DHRS2: variants seen among roughly 807,000 people sequenced by gnomAD.
DHRS2 encodes dehydrogenase/reductase SDR family member 2, mitochondrial.
DHRS2 carries 29 observed loss-of-function variants against 26.3 expected under a neutral mutation model. The ratio of observed to expected loss-of-function variants is 1.10; its 90% CI spans 0.82 to 1.50. The LOEUF (loss-of-function observed/expected upper bound fraction) is 1.50. Among genes scored for constraint, DHRS2 ranks in the 40% most tolerant of loss-of-function variants. The pLI is 0.00. For synonymous variants in DHRS2, 164 were observed against 151.3 expected (o/e 1.08, Z -0.62); for missense variants, 439 against 367.1 (o/e 1.20, Z -1.60).
intron 6 of DHRS2, 38 bp downstream of exon 6, chr14:23,644,200 G>A: frequency 1.2e-6 from 2 of 1,609,656 alleles, no homozygotes; most frequent in South Asian, 2.2e-5. Context: ...GTGGTATAGG[G>A]TGAGGGGCAA....
intron 4 of DHRS2, chr14:23,642,090 T>C: frequency 9.4e-7 from 1 of 1,061,756 alleles, no homozygotes; most frequent in Non-Finnish European, 1.1e-6. Context: ...TTAGCCCAGA[T>C]TCAGACTTTA....
At chr14:23,643,362 C>G (rs979891467) in intron 5 of DHRS2, 143 bp downstream of exon 5, 16 of 744,464 alleles carry the variant, frequency 2.1e-5, no homozygotes, top group African/African-American at 1.7e-4. Flanking sequence ...GTCCTGCCTC[C>G]CCATCTGTGT....
intron 5 of DHRS2, 115 bp downstream of exon 5, chr14:23,643,334 C>A: frequency 1.1e-6 from 1 of 906,062 alleles, no homozygotes; most frequent in Non-Finnish European, 1.7e-6. Flanking sequence ...CTGGGATCTC[C>A]ACATCCCTCA....
chr14:23,637,774 A>G (rs1890399496), intron 1 of DHRS2, among the ~76,000 whole-genome samples: 1 of 152,158 alleles, frequency 6.6e-6, no homozygotes. Flanking sequence ...AGGATTGTAA[A>G]TGCACCAATC....
chr14:23,634,217 G>A (rs546894128), upstream of DHRS2, among the ~76,000 whole-genome samples: 5 of 151,944 alleles, frequency 3.3e-5, no homozygotes, highest in East Asian at 1.9e-4. Context: ...ATAGGCATGC[G>A]CCACCACACC....
chr14:23,630,487 T>C (rs1890091171), intron 1 of DHRS2, among the ~76,000 whole-genome samples: 1 of 152,236 alleles, frequency 6.6e-6, no homozygotes, highest in African/African-American at 2.4e-5. Flanking sequence ...AACCCCTTAT[T>C]TTACTGTGAT....
At chr14:23,636,906 G>A (rs1283490817) in intron 1 of DHRS2, 134 bp downstream of exon 1, 1 of 152,214 alleles carries the variant, frequency 6.6e-6, no homozygotes, top group African/African-American at 2.4e-5. Flanking sequence ...GTGGGTGTCA[G>A]GCTTTCTGGG....
In DHRS2 at chr14:23,644,889, G is replaced by T; in HGVS notation, c.731+7G>T. The T allele has an allele frequency of 6.2e-7, 1 of 1,614,154 alleles. No individual in the cohort carries two copies. Among genetic ancestry groups the T allele is most frequent in the Non-Finnish European group, 8.5e-7 (1 of 1,179,986 alleles). ...AACATCATCAGCTGCAGAGGCAAGT[G>T]GGGTTTGGAGATTTGGTGGTCCATG... On this transcript the variant is annotated splice_region_variant and intron_variant, in intron 8 of 8. Coordinates refer to ENST00000250383, the MANE Select transcript of DHRS2 (RefSeq NM_005794.4).
At chr14:23,635,069 C>T (rs896452373), upstream of DHRS2, among the ~76,000 whole-genome samples, 53 of 147,062 alleles carry the variant, frequency 3.6e-4, no homozygotes, top group Non-Finnish European at 6.8e-4. Context: ...TCAGGTAGTT[C>T]TTTTTTTTTT....
rs1382956680 is a variant in DHRS2 at position 23,645,511 on chromosome 14, C to G, written c.*258C>G. ...TGGGGAGCTGAAGGATTTTATGGAG[C>G]TGGTGCTTTGGAGGAATCTTAAGGG... On this transcript the variant is annotated 3_prime_UTR_variant, in exon 9 of 9. Transcript: ENST00000250383. 3.3e-6 allele frequency: 2 copies of G among 607,764 alleles called. No individual in the cohort carries two copies. Among genetic ancestry groups the G allele is most frequent in the Non-Finnish European group, 5.4e-6 (2 of 368,058 alleles). The allele number at this position is 607,764 out of a possible 1,614,324, so 37.6% of individuals were successfully genotyped here.
intron 5 of DHRS2, 73 bp downstream of exon 5, chr14:23,643,292 A>C (rs1594248345): frequency 7.2e-7 from 1 of 1,398,102 alleles, no homozygotes; most frequent in Non-Finnish European, 1.0e-6. Context: ...AGTCGGTAGC[A>C]CAGCCAGTAG....
chr14:23,637,108 C>T (rs904660028), intron 1 of DHRS2, among the ~76,000 whole-genome samples: 1 of 152,172 alleles, frequency 6.6e-6, no homozygotes, highest in African/African-American at 2.4e-5. Context: ...GCATGTTGCC[C>T]AAGTGAGACT....
intron 4 of DHRS2, 160 bp downstream of exon 4, chr14:23,640,055 T>A (rs1566701951): frequency 1.4e-6 from 1 of 710,336 alleles, no homozygotes; most frequent in East Asian, 3.5e-5. Flanking sequence ...TCCCAAAATG[T>A]GCCCGGATGC....
intron 1 of DHRS2, among the ~76,000 whole-genome samples, chr14:23,631,347 A>G (rs1269531036): frequency 2.0e-5 from 3 of 151,702 alleles, no homozygotes; most frequent in Admixed American, 6.6e-5. Context: ...GGCATGTCCA[A>G]CCCTGTATTC....
At chr14:23,637,459 G>A (rs372813140) in intron 1 of DHRS2, among the ~76,000 whole-genome samples, 1 of 152,110 alleles carries the variant, frequency 6.6e-6, no homozygotes, top group Non-Finnish European at 1.5e-5. Flanking sequence ...CTCAGAAATT[G>A]TATCCTTCCT....
At chr14:23,640,817 C>G (rs74036811) in intron 4 of DHRS2, 2,736 of 152,304 alleles carry the variant, frequency 0.018, 81 homozygotes, top group African/African-American at 0.062. Context: ...CCCTGCAGCC[C>G]CTGCTGAGCA....
chr14:23,643,854 G>T, intron 5 of DHRS2: 1 of 513,032 alleles, frequency 1.9e-6, no homozygotes, highest in Non-Finnish European at 3.5e-6. Flanking sequence ...CAAGCACCTG[G>T]CAAGAGAGGA....
rs1890522874 is a variant in DHRS2, at chr14:23,639,332, G to C, written c.294G>C (p.Glu98Asp). 1.9e-6 allele frequency: 3 copies of C among 1,576,960 alleles called. No individual in the cohort carries two copies. The highest frequency in any genetic ancestry group is 2.6e-6 in the Non-Finnish European group (3 of 1,162,184). Residue 98 changes from glutamate to aspartate, a missense_variant, in exon 3 of 9, where the codon GAG becomes GAC. By Grantham distance (45) the Glu-to-Asp change is conservative. Transcript: ENST00000250383. Reference protein sequence around the residue: ...AGIVCHVGKAEDREQLVAKAL... With the variant: ...AGIVCHVGKADDREQLVAKAL... ...TTGTGTGCCACGTGGGGAAGGCTGAGGACCGGGAGCAGCTGGTGGCCAAGG... is the reference window on the plus strand; with the variant it reads ...TTGTGTGCCACGTGGGGAAGGCTGACGACCGGGAGCAGCTGGTGGCCAAGG...
chr14:23,637,617 C>CT (rs372016517), intron 1 of DHRS2, among the ~76,000 whole-genome samples: 87 of 152,224 alleles, frequency 5.7e-4, no homozygotes, highest in Non-Finnish European at 2.1e-4. Flanking sequence ...GCTTAGGACT[C>CT]TAACAGGTTT....
Sources: allele counts gnomAD v4.1 joint callset (sites outside exome capture counted in the v4.1 genomes callset), GRCh38; gene constraint gnomAD v4.1.1; transcripts MANE v1.5; gene names NCBI Gene and HGNC (gene_info 2026-07-23, HGNC 2026-07-21).